KIDINS220: variants seen among roughly 807,000 people sequenced by gnomAD.
The protein encoded by KIDINS220 is kinase D-interacting substrate of 220 kDa.
A neutral mutation model predicts 157.6 loss-of-function variants in KIDINS220; 63 were observed. The observed-to-expected ratio is 0.40, with a 90% CI of 0.33 to 0.49. KIDINS220 has a LOEUF of 0.49. KIDINS220 is among the 20% of genes least tolerant of loss of function. The pLI, the probability that KIDINS220 is intolerant of heterozygous loss-of-function variation, is 0.66. For synonymous variants in KIDINS220, 732 were observed against 783.6 expected (o/e 0.93, Z 1.10); for missense variants, 1,772 against 2,171.2 (o/e 0.82, Z 3.65).
At chr2:8,796,639 C>T in intron 11 of KIDINS220, 132 bp downstream of exon 11, 1 of 745,048 alleles carries the variant, frequency 1.3e-6, no homozygotes, top group Admixed American at 2.0e-5. Context: ...GATCCAAAGC[C>T]CACACAGACA....
At position 8,753,339 on chromosome 2, in the gene KIDINS220, C is replaced by A. The variant is rs4668592; in HGVS notation, c.3012-1695G>T. Among the ~76,000 whole-genome samples, 414 of 152,188 alleles carry A rather than the reference C, an allele frequency of 2.7e-3. 6 individuals are homozygous for A. In the East Asian group the frequency reaches 0.028, roughly 10 times the overall value. On this transcript the variant is annotated intron_variant, in intron 22 of 29. Coordinates refer to ENST00000256707, the MANE Select transcript of KIDINS220 (RefSeq NM_020738.4). The stretch of plus-strand genomic sequence containing the variant: ...TTCATTTGTATAAAACTAGAAAATG[C>A]AAACCAATCTAAAGTATCAATGCAG...
At chr2:8,784,305 G>A (rs1204297265) in intron 17 of KIDINS220, among the ~76,000 whole-genome samples, 1 of 151,960 alleles carries the variant, frequency 6.6e-6, no homozygotes, top group African/African-American at 2.4e-5. Flanking sequence ...AAATGCAAAA[G>A]TATAAAACAC....
intron 24 of KIDINS220, among the ~76,000 whole-genome samples, chr2:8,749,057 A>G (rs1290912803): frequency 6.6e-6 from 1 of 152,220 alleles, no homozygotes; most frequent in Non-Finnish European, 1.5e-5. Context: ...AAATTTTAAA[A>G]GATGGAATAC....
chr2:8,791,738 A>G (rs1673222337), intron 12 of KIDINS220, among the ~76,000 whole-genome samples: 1 of 152,198 alleles, frequency 6.6e-6, no homozygotes, highest in Middle Eastern at 3.2e-3. Flanking sequence ...GAAGAACATA[A>G]TAGATAATAA....
At chr2:8,735,512 G>T (rs896896974) in intron 27 of KIDINS220, among the ~76,000 whole-genome samples, 6 of 152,134 alleles carry the variant, frequency 3.9e-5, no homozygotes, top group Non-Finnish European at 8.8e-5. Context: ...CAGCCTGGGT[G>T]ACATAGCAGG....
At chr2:8,746,072 T>C (rs567105656) in intron 26 of KIDINS220, among the ~76,000 whole-genome samples, 3 of 152,004 alleles carry the variant, frequency 2.0e-5, no homozygotes, top group Non-Finnish European at 2.9e-5. Flanking sequence ...CACAAACTTA[T>C]TTCTTATTAA....
intron 17 of KIDINS220, among the ~76,000 whole-genome samples, chr2:8,782,409 A>C (rs1328018154): frequency 1.3e-5 from 2 of 152,234 alleles, no homozygotes; most frequent in African/African-American, 2.4e-5. Context: ...ATAAAGGGAT[A>C]CTACAAACAA....
At chr2:8,812,563 G>C in intron 5 of KIDINS220, 70 bp from the exon 6 acceptor site, 2 of 752,644 alleles carry the variant, frequency 2.7e-6, no homozygotes, top group Non-Finnish European at 4.1e-6. Context: ...AGGAAGGAGG[G>C]AGGGAGGGAA....
chr2:8,837,266 G>A (rs1347630803), intron 1 of KIDINS220, among the ~76,000 whole-genome samples: 1 of 152,152 alleles, frequency 6.6e-6, no homozygotes. Context: ...CGGCGCTCCA[G>A]GAAACGCGGA....
At position 8,730,167 on chromosome 2, in the gene KIDINS220, C is replaced by T; in HGVS notation, c.*553G>A. ...TTAAAGCCCTCTTCATTATGTACTT[C>T]CTACTCTTCAGAACCTCTGTGATAA... On this transcript the variant is annotated 3_prime_UTR_variant, in exon 30 of 30. Transcript: ENST00000256707. 1.0e-6 allele frequency: 1 copy of T among 986,096 alleles called. No homozygotes were observed. The highest frequency in any genetic ancestry group is 1.2e-6 in the Non-Finnish European group (1 of 830,486). The allele number at this position is 986,096 out of a possible 1,614,324, so 61.1% of individuals were successfully genotyped here.
intron 8 of KIDINS220, 133 bp from the exon 9 acceptor site, chr2:8,800,631 A>G (rs1202092314): frequency 1.6e-6 from 1 of 639,428 alleles, no homozygotes; most frequent in Admixed American, 3.0e-5. Flanking sequence ...TCTAAATAAG[A>G]GAAAAATGTT....
At chr2:8,779,508 T>C (rs561420400) in intron 18 of KIDINS220, among the ~76,000 whole-genome samples, 166 bp downstream of exon 18, 1 of 152,388 alleles carries the variant, frequency 6.6e-6, no homozygotes, top group Non-Finnish European at 1.5e-5. Context: ...TTATTCTTGC[T>C]ACATTTCTGT....
intron 24 of KIDINS220, among the ~76,000 whole-genome samples, chr2:8,748,237 A>G (rs554297311): frequency 1.3e-5 from 2 of 152,344 alleles, no homozygotes; most frequent in South Asian, 2.1e-4. Flanking sequence ...ATGAGCAACT[A>G]AAGTTTTGCA....
chr2:8,832,035 T>A (rs1027377079), intron 1 of KIDINS220, among the ~76,000 whole-genome samples: 6 of 152,238 alleles, frequency 3.9e-5, no homozygotes, highest in Non-Finnish European at 8.8e-5. Flanking sequence ...TCGTTAAGAT[T>A]TTAAATATCC....
At chr2:8,764,064 T>C (rs1572553674) in intron 22 of KIDINS220, among the ~76,000 whole-genome samples, 1 of 152,168 alleles carries the variant, frequency 6.6e-6, no homozygotes, top group African/African-American at 2.4e-5. Context: ...ACTCAGCCAT[T>C]AAAAGGAACA....
At chr2:8,826,361 C>T (rs982232224) in intron 2 of KIDINS220, among the ~76,000 whole-genome samples, 4 of 152,176 alleles carry the variant, frequency 2.6e-5, no homozygotes, top group Non-Finnish European at 5.9e-5. Flanking sequence ...GTAATCCCAG[C>T]ACTTTGGGAG....
In KIDINS220 at chr2:8,747,982, G is replaced by T. The variant is rs372306517; in HGVS notation, c.3433C>A (p.Leu1145Ile). The change falls in exon 25 of 30, where the codon CTT becomes ATT. Residue 1145 changes from leucine (L) to isoleucine (I), a missense_variant. Transcript: ENST00000256707. ...CCAGGGTAATACCTTGGCGTGTAAA[G>T]GTATGGGGCAAAGAATGGCTATGGA... is the stretch of plus-strand genomic sequence containing the variant. ...FYNRPFFAPY[L>I]YTPRYYPGGS... 1.4e-5 allele frequency: 22 copies of T among 1,571,788 alleles called. No homozygotes were observed. Among genetic ancestry groups the T allele is most frequent in the Non-Finnish European group, 1.9e-5 (22 of 1,162,676 alleles).
intron 22 of KIDINS220, among the ~76,000 whole-genome samples, chr2:8,768,226 C>G (rs1669718193): frequency 6.6e-6 from 1 of 151,180 alleles, no homozygotes; most frequent in Admixed American, 6.6e-5. Context: ...ATTTTACTCC[C>G]TTTCTTACTA....
At chr2:8,821,354 A>G (rs1329948771) in intron 2 of KIDINS220, among the ~76,000 whole-genome samples, 1 of 151,846 alleles carries the variant, frequency 6.6e-6, no homozygotes, top group Non-Finnish European at 1.5e-5. Context: ...CTGAAAAAAA[A>G]AAACACCCAG....
Sources: allele counts gnomAD v4.1 joint callset (sites outside exome capture counted in the v4.1 genomes callset), GRCh38; gene constraint gnomAD v4.1.1; transcripts MANE v1.5; gene names NCBI Gene and HGNC (gene_info 2026-07-23, HGNC 2026-07-21).